SULT2B1: variants seen among roughly 807,000 people sequenced by gnomAD.
SULT2B1 encodes the protein sulfotransferase 2B1.
Under a neutral mutation model 33.2 loss-of-function variants are expected in SULT2B1, and 16 were observed. The ratio of observed to expected loss-of-function variants is 0.48; its 90% CI spans 0.33 to 0.73. The LOEUF (loss-of-function observed/expected upper bound fraction) is 0.73. SULT2B1 is among the 30% of genes least tolerant of loss of function. The pLI is 0.02. For missense variants in SULT2B1, 500 were observed against 506.0 expected (o/e 0.99, Z 0.11); for synonymous variants, 186 against 200.5 (o/e 0.93, Z 0.61).
At chr19:48,562,841 A>G (rs1973199169) in intron 1 of SULT2B1, among the ~76,000 whole-genome samples, 1 of 151,858 alleles carries the variant, frequency 6.6e-6, no homozygotes, top group South Asian at 2.1e-4. Context: ...CACCATACCC[A>G]GCTAATTTTT....
chr19:48,553,872 C>T (rs1973058531), intron 1 of SULT2B1, among the ~76,000 whole-genome samples: 1 of 152,216 alleles, frequency 6.6e-6, no homozygotes, highest in African/African-American at 2.4e-5. Flanking sequence ...CTGAGTTCTG[C>T]AATTCTTCTC....
chr19:48,577,156 C>T (rs548115326), intron 2 of SULT2B1, among the ~76,000 whole-genome samples: 133 of 150,446 alleles, frequency 8.8e-4, no homozygotes, highest in Non-Finnish European at 1.5e-3. Flanking sequence ...CCTCAGCCTC[C>T]TGAGTAGCTG....
intron 2 of SULT2B1, among the ~76,000 whole-genome samples, chr19:48,586,061 A>G (rs561239224): frequency 2.0e-5 from 3 of 151,976 alleles, no homozygotes; most frequent in African/African-American, 7.2e-5. Flanking sequence ...TTCTAAAAAT[A>G]AAAATAAGAA....
At position 48,596,806 on chromosome 19, in the gene SULT2B1, G is replaced by T. The variant is rs757800349; in HGVS notation, c.713G>T (p.Gly238Val). 1.9e-6 allele frequency: 3 copies of T among 1,609,716 alleles called. No individual in the cohort carries two copies. The highest frequency in any genetic ancestry group is 1.7e-6 in the Non-Finnish European group (2 of 1,179,958). Residue 238 changes from glycine to valine, a missense_variant, in exon 6 of 7, where the codon GGC becomes GTC. By Grantham distance (109) the Gly-to-Val change is moderately radical (BLOSUM62 -3). Coordinates refer to ENST00000201586, the MANE Select transcript of SULT2B1 (RefSeq NM_177973.2). ...CGTCCGCTGGGCAAGGAGGCACTGG[G>T]CTCCGTCGTGGCACACTCAACCTTC... ...LGRPLGKEAL[G>V]SVVAHSTFSA... is the part of the protein sequence containing the mutation.
chr19:48,591,535 G>A (rs916685418), intron 3 of SULT2B1, 74 bp from the exon 4 acceptor site: 2 of 1,527,896 alleles, frequency 1.3e-6, no homozygotes, highest in African/African-American at 1.4e-5. Context: ...GGGTCTCCAG[G>A]GCAGGAGGCC....
intron 3 of SULT2B1, among the ~76,000 whole-genome samples, chr19:48,588,623 A>G (rs535822896): frequency 2.0e-5 from 3 of 151,088 alleles, no homozygotes; most frequent in Admixed American, 2.0e-4. Context: ...AACATAATGC[A>G]ATATAATATA....
chr19:48,588,263 A>C (rs930866517), intron 3 of SULT2B1, among the ~76,000 whole-genome samples: 5 of 151,598 alleles, frequency 3.3e-5, no homozygotes, highest in African/African-American at 1.2e-4. Context: ...TTGTACTCCC[A>C]GCACTTTGGG....
intron 2 of SULT2B1, among the ~76,000 whole-genome samples, chr19:48,584,128 C>T (rs1247006973): frequency 2.0e-5 from 3 of 152,128 alleles, no homozygotes; most frequent in Non-Finnish European, 2.9e-5. Flanking sequence ...CAAAAAACAC[C>T]ACACACAGGA....
chr19:48,586,753 C>T (rs895777570), intron 2 of SULT2B1, among the ~76,000 whole-genome samples: 4 of 152,202 alleles, frequency 2.6e-5, no homozygotes, highest in Admixed American at 2.6e-4. Flanking sequence ...TGAGGTTAAG[C>T]AACCTTGCCT....
At chr19:48,562,402 T>A (rs1045180898) in intron 1 of SULT2B1, among the ~76,000 whole-genome samples, 3 of 148,508 alleles carry the variant, frequency 2.0e-5, no homozygotes, top group African/African-American at 7.5e-5. Context: ...AAAAAAAAAA[T>A]TAGCAAAGCG....
chr19:48,591,586 C>G, intron 3 of SULT2B1, 23 bp from the exon 4 acceptor site: 1 of 1,603,096 alleles, frequency 6.2e-7, no homozygotes. Context: ...GCCTTCTCCC[C>G]TCTCCTCACC....
chr19:48,583,403 C>G (rs1179772332), intron 2 of SULT2B1, among the ~76,000 whole-genome samples: 1 of 152,206 alleles, frequency 6.6e-6, no homozygotes, highest in Admixed American at 6.6e-5. Flanking sequence ...CACCAATGTT[C>G]ATAGCCACAT....
At chr19:48,588,569 A>T (rs1034974927) in intron 3 of SULT2B1, among the ~76,000 whole-genome samples, 4 of 149,546 alleles carry the variant, frequency 2.7e-5, no homozygotes, top group Non-Finnish European at 3.0e-5. Context: ...TAGTATTACA[A>T]TATACTTTAA....
At chr19:48,568,166 G>A (rs998728464) in intron 1 of SULT2B1, among the ~76,000 whole-genome samples, 1 of 151,878 alleles carries the variant, frequency 6.6e-6, no homozygotes, top group Non-Finnish European at 1.5e-5. Flanking sequence ...CCAGCTACTG[G>A]GGAAACTGAG....
intron 1 of SULT2B1, among the ~76,000 whole-genome samples, chr19:48,574,158 A>G (rs1000951800): frequency 2.0e-5 from 3 of 152,178 alleles, no homozygotes; most frequent in Non-Finnish European, 4.4e-5. Context: ...CACTGCGCCC[A>G]GCCCTTGAGG....
intron 5 of SULT2B1, among the ~76,000 whole-genome samples, chr19:48,593,697 T>C (rs999135848): frequency 2.0e-5 from 3 of 151,424 alleles, no homozygotes; most frequent in Admixed American, 6.6e-5. Flanking sequence ...TGCAATGGCA[T>C]GATCTCGGCT....
intron 5 of SULT2B1, among the ~76,000 whole-genome samples, chr19:48,595,339 C>G (rs534953762): frequency 6.6e-6 from 1 of 152,032 alleles, no homozygotes; most frequent in South Asian, 2.1e-4. Context: ...GACCTGAGCT[C>G]CTCTCTGGCT....
intron 2 of SULT2B1, among the ~76,000 whole-genome samples, chr19:48,586,453 G>A (rs1973562643): frequency 6.6e-6 from 1 of 152,164 alleles, no homozygotes; most frequent in African/African-American, 2.4e-5. Flanking sequence ...TCTGTATCCA[G>A]AAGCAGAGAG....
chr19:48,558,602 G>A (rs1568402312), intron 1 of SULT2B1, among the ~76,000 whole-genome samples: 1 of 152,118 alleles, frequency 6.6e-6, no homozygotes, highest in African/African-American at 2.4e-5. Context: ...TCCTTAGGGA[G>A]GGCTGAGCCA....
Sources: gnomAD v4.1 joint callset for allele counts (sites outside exome capture counted in the v4.1 genomes callset) on GRCh38, gnomAD v4.1.1 for gene constraint, MANE v1.5 for transcripts, NCBI Gene and HGNC (gene_info 2026-07-23, HGNC 2026-07-21) for gene names.